Variants in DDX52 observed in about 807,000 individuals in gnomAD.
The protein encoded by DDX52 is DExD-box helicase 52.
In DDX52, 59 loss-of-function variants were observed where a neutral mutation model predicts 76.1. The observed-to-expected ratio is 0.78, with a 90% CI of 0.63 to 0.96. The LOEUF is 0.96. DDX52 is among the 40% of genes least tolerant of loss of function. DDX52 has a pLI of 0.00. For missense variants in DDX52, 707 were observed against 703.9 expected (o/e 1.00, Z -0.05); for synonymous variants, 231 against 244.1 (o/e 0.95, Z 0.50).
Position 37,630,050 on chromosome 17 carries a change from T to C in DDX52, c.727A>G (p.Thr243Ala), listed in dbSNP as rs752301206. The C allele has an allele frequency of 1.2e-6, 2 of 1,612,336 alleles. No homozygotes were observed. The highest frequency in any genetic ancestry group is 1.7e-5 in the Admixed American group (1 of 59,436). ...KGFRALIISP[T>A]RELASQIHRE... Reference sequence around the variant, plus strand: ...CATACCTGGCTGGCAAGTTCTCGTGTTGGTGATATAATCAGGGCTCTGAAG... The same window carrying C: ...CATACCTGGCTGGCAAGTTCTCGTGCTGGTGATATAATCAGGGCTCTGAAG... Residue 243 changes from threonine to alanine, a missense_variant, in exon 5 of 15, where the codon ACA becomes GCA. Transcript: ENST00000617633.
chr17:37,625,066 G>C (rs2030296812), intron 8 of DDX52, among the ~76,000 whole-genome samples: 2 of 151,708 alleles, frequency 1.3e-5, no homozygotes, highest in African/African-American at 2.4e-5. Flanking sequence ...AGTGCAGTGG[G>C]GCGATCTCGG....
At chr17:37,614,460 C>A in intron 14 of DDX52, 107 bp from the exon 15 acceptor site, 2 of 1,076,848 alleles carry the variant, frequency 1.9e-6, no homozygotes, top group Non-Finnish European at 2.7e-6. Context: ...TACTGTGTAT[C>A]AAATAATGAG....
In DDX52 at chr17:37,642,153, C is replaced by T. The variant is rs1435446826; in HGVS notation, c.243G>A (p.Arg81=). 6 of 1,614,100 alleles carry T rather than the reference C, an allele frequency of 3.7e-6. No individual in the cohort carries two copies. The Admixed American group carries it at 5.0e-5, about 13-fold the overall frequency. Residue 81 remains arginine, a synonymous_variant, in exon 2 of 15, where the codon AGG becomes AGA. Coordinates refer to ENST00000617633, the MANE Select transcript of DDX52 (RefSeq NM_007010.5). ...GEKKEESLTE[R]KREQSKKKRK... ...TTTTTTTCTTGCTCTGCTCCCTCTT[C>T]CTTTCAGTTAGGCTCTCTTCTTTTT...
At chr17:37,629,320 T>C (rs2030564394) in intron 5 of DDX52, among the ~76,000 whole-genome samples, 1 of 151,680 alleles carries the variant, frequency 6.6e-6, no homozygotes, top group East Asian at 1.9e-4. Flanking sequence ...ATGTGTTTCA[T>C]ATTAAGCACA....
At position 37,609,778 on chromosome 17, in the gene DDX52, T is replaced by TAA. The variant is rs1370324803; in HGVS notation, c.*4517_*4518insTT. On this transcript the variant is annotated 3_prime_UTR_variant, in exon 15 of 15. Transcript: ENST00000617633. ...GGTGGGTACACTGGTGTTCTTTTAT[T>TAA]GTTACTCTTTACACACAAAGAACAG... 1 of 164,612 alleles carries TAA rather than the reference T, an allele frequency of 6.1e-6. No homozygotes were observed. Among genetic ancestry groups the TAA allele is most frequent in the Non-Finnish European group, 1.3e-5 (1 of 76,338 alleles). 10.2% of individuals were successfully genotyped at this position (164,612 alleles called of 1,614,324 possible).
intron 4 of DDX52, chr17:37,631,869 C>A: frequency 1.8e-6 from 1 of 560,846 alleles, no homozygotes. Context: ...AAAGAACACA[C>A]CAAATACCAT....
chr17:37,634,824 T>A (rs1252584069), intron 2 of DDX52, among the ~76,000 whole-genome samples: 1 of 151,620 alleles, frequency 6.6e-6, no homozygotes, highest in African/African-American at 2.4e-5. Flanking sequence ...AAATTTTTTT[T>A]TTTTTTTGAG....
intron 1 of DDX52, chr17:37,643,113 C>T: frequency 2.4e-6 from 1 of 414,652 alleles, no homozygotes; most frequent in Non-Finnish European, 4.3e-6. Context: ...CCGTGCCAGG[C>T]CCAACTAGGT....
intron 2 of DDX52, among the ~76,000 whole-genome samples, chr17:37,639,008 G>A (rs759235069): frequency 4.6e-5 from 7 of 152,038 alleles, no homozygotes; most frequent in Non-Finnish European, 1.0e-4. Flanking sequence ...CCGACCTCAA[G>A]TGGTCAGCCC....
Position 37,614,077 on chromosome 17 carries a change from AC to A in DDX52, c.*218del. 8.0e-6 allele frequency: 4 copies of A among 497,668 alleles called. No homozygotes were observed. The highest frequency in any genetic ancestry group is 1.4e-5 in the Non-Finnish European group (4 of 287,222). The allele number at this position is 497,668 out of a possible 1,614,324, so 30.8% of individuals were successfully genotyped here. ...CAGGAGTTCAAGACCAGCCTGGACA[AC>A]ATGGCAAGACCCTCATCTCTACAGG... On this transcript the variant is annotated 3_prime_UTR_variant, in exon 15 of 15. Coordinates refer to ENST00000617633, the MANE Select transcript of DDX52 (RefSeq NM_007010.5).
In DDX52 at chr17:37,614,292, GT is replaced by G; in HGVS notation, c.*3del. 1 of 1,612,012 alleles carries G rather than the reference GT, an allele frequency of 6.2e-7. No individual in the cohort carries two copies. The highest frequency in any genetic ancestry group is 2.2e-5 in the East Asian group (1 of 44,844). ...TTCTGGGACAGTATTTTTAAAGTCT[GT>G]TTTTAACTTTTGTCTTCAAGAGCTA... On this transcript the variant is annotated 3_prime_UTR_variant, in exon 15 of 15. Coordinates refer to ENST00000617633, the MANE Select transcript of DDX52 (RefSeq NM_007010.5).
At chr17:37,623,721 C>A (rs2030219001) in intron 9 of DDX52, among the ~76,000 whole-genome samples, 1 of 152,154 alleles carries the variant, frequency 6.6e-6, no homozygotes, top group Admixed American at 6.5e-5. Flanking sequence ...CTGGTGGCCC[C>A]ATTATGACTA....
At chr17:37,618,473 C>A in intron 13 of DDX52, 89 bp from the exon 14 acceptor site, 2 of 1,091,872 alleles carry the variant, frequency 1.8e-6, no homozygotes, top group Non-Finnish European at 1.3e-6. Context: ...TCCTTGATCA[C>A]AAAATTCATT....
intron 2 of DDX52, chr17:37,635,578 G>T: frequency 2.2e-6 from 1 of 455,356 alleles, no homozygotes; most frequent in Non-Finnish European, 4.4e-6. Context: ...GTATTCCATT[G>T]TAATGGATGT....
chr17:37,636,293 A>G (rs2030921720), intron 2 of DDX52, among the ~76,000 whole-genome samples: 1 of 152,080 alleles, frequency 6.6e-6, no homozygotes, highest in South Asian at 2.1e-4. Context: ...TTTGATGTTC[A>G]CTTTTTTCCC....
Position 37,627,002 on chromosome 17 carries a change from T to C in DDX52, c.860-142A>G. ...AACACAAAACTATTATATCCCTACTTTCCTTTTAATATATCTGAGCAGCTT... is the reference window on the plus strand; with the variant it reads ...AACACAAAACTATTATATCCCTACTCTCCTTTTAATATATCTGAGCAGCTT... On this transcript the variant is annotated intron_variant, in intron 6 of 14. Coordinates refer to ENST00000617633, the MANE Select transcript of DDX52 (RefSeq NM_007010.5). 11 of 641,718 alleles carry C rather than the reference T, an allele frequency of 1.7e-5. No individual in the cohort carries two copies. In the South Asian group the frequency reaches 2.3e-4, roughly 13 times the overall value. 39.8% of individuals were successfully genotyped at this position (641,718 alleles called of 1,614,324 possible). A position where few individuals can be genotyped will look rare whatever the true frequency, so the allele number is the denominator to read the frequency against.
intron 2 of DDX52, chr17:37,635,487 C>T: frequency 5.1e-6 from 2 of 395,872 alleles, no homozygotes; most frequent in Admixed American, 3.2e-5. Context: ...TTTTGTCTGG[C>T]TTCTTTCACT....
At chr17:37,629,893 A>G in intron 5 of DDX52, 137 bp downstream of exon 5, 2 of 1,106,976 alleles carry the variant, frequency 1.8e-6, no homozygotes, top group Non-Finnish European at 2.5e-6. Flanking sequence ...GATCCGGAGC[A>G]CTGTGCTGTG....
intron 4 of DDX52, chr17:37,631,241 A>G (rs571788743): frequency 6.6e-6 from 1 of 152,358 alleles, no homozygotes; most frequent in Admixed American, 6.5e-5. Flanking sequence ...CCATACCTCT[A>G]TCAACAAGTG....
Sources: gnomAD v4.1 joint callset for allele counts (sites outside exome capture counted in the v4.1 genomes callset) on GRCh38, gnomAD v4.1.1 for gene constraint, MANE v1.5 for transcripts, NCBI Gene and HGNC (gene_info 2026-07-23, HGNC 2026-07-21) for gene names.